Variants in LCE3E observed in about 807,000 individuals in gnomAD.
LCE3E encodes late cornified envelope 3E.
For synonymous variants in LCE3E, 40 were observed against 47.0 expected, an observed-to-expected ratio of 0.85 and a Z score of 0.61; for missense variants, 133 against 120.0, an observed-to-expected ratio of 1.11 and a Z score of -0.51.
chr1:152,565,841 G>A lies in LCE3E; in HGVS notation c.*89C>T, dbSNP rs1230828702. ...CTGTGAAAGTCAGAAGAGGGTATATGGGAAGGCATGCGTCAGATGGGGCTG... is the reference window on the plus strand; with the variant it reads ...CTGTGAAAGTCAGAAGAGGGTATATAGGAAGGCATGCGTCAGATGGGGCTG... On this transcript the variant is annotated 3_prime_UTR_variant, in exon 2 of 2. Coordinates refer to ENST00000368789, the MANE Select transcript of LCE3E (RefSeq NM_178435.4). 9.1e-6 allele frequency: 14 copies of A among 1,538,910 alleles called. No homozygotes were observed. The highest frequency in any genetic ancestry group is 1.1e-5 in the Non-Finnish European group (13 of 1,137,894).
chr1:152,566,432 A>G (rs1376281912), intron 1 of LCE3E, among the ~76,000 whole-genome samples: 3 of 152,104 alleles, frequency 2.0e-5, no homozygotes, highest in East Asian at 1.9e-4. Context: ...TGTTTCTCCA[A>G]AGAACCCCTA....
chr1:152,566,518 G>A (rs2101771326), intron 1 of LCE3E, among the ~76,000 whole-genome samples: 1 of 152,146 alleles, frequency 6.6e-6, no homozygotes, highest in East Asian at 1.9e-4. Flanking sequence ...AGTAGAAAGA[G>A]GATGGGAGGG....
Position 152,566,222 on chromosome 1 carries a change from G to A in LCE3E, c.-14C>T. The A allele has an allele frequency of 1.2e-6, 2 of 1,613,480 alleles. No homozygotes were observed. Among genetic ancestry groups the A allele is most frequent in the Non-Finnish European group, 1.7e-6 (2 of 1,179,936 alleles). On this transcript the variant is annotated 5_prime_UTR_variant, in exon 2 of 2. Transcript: ENST00000368789. ...CTGGCAGGACATCTTGGCAGGAGTT[G>A]AGATGTCCTGGAGAAAACGAAGCCA...
Position 152,565,902 on chromosome 1 carries a change from A to T in LCE3E, c.*28T>A, listed in dbSNP as rs1254492787. 3 of 1,608,068 alleles carry T rather than the reference A, an allele frequency of 1.9e-6. No individual in the cohort carries two copies. Among genetic ancestry groups the T allele is most frequent in the Non-Finnish European group, 2.5e-6 (3 of 1,177,294 alleles). ...CTTGGGATTCTTGTTTCCTCCAAAG[A>T]TCGCTTGTCTCAGCATCAGGATCTG... On this transcript the variant is annotated 3_prime_UTR_variant, in exon 2 of 2. Transcript: ENST00000368789.
chr1:152,566,014 G>A lies in LCE3E; in HGVS notation c.195C>T (p.Arg65=), dbSNP rs145878248. ...NHHRRHHRCR[R]QRSNSCDRGS... Reference sequence around the variant, plus strand: ...CCCTGTCACAGGAGTTGGACCTCTGGCGCCGGCATCGGTGGTGGCGCCTGT... The same window carrying A: ...CCCTGTCACAGGAGTTGGACCTCTGACGCCGGCATCGGTGGTGGCGCCTGT... Residue 65 remains arginine (R), a synonymous_variant, in exon 2 of 2, where the codon CGC becomes CGT. Coordinates refer to ENST00000368789, the MANE Select transcript of LCE3E (RefSeq NM_178435.4). 161 of 1,613,832 alleles carry A rather than the reference G, an allele frequency of 1.0e-4. No individual in the cohort carries two copies. Among genetic ancestry groups the A allele is most frequent in the Non-Finnish European group, 1.0e-4 (121 of 1,180,038 alleles).
Position 152,565,946 on chromosome 1 carries a change from G to A in LCE3E, c.263C>T (p.Ser88Phe). 1 of 1,613,654 alleles carries A rather than the reference G, an allele frequency of 6.2e-7. No homozygotes were observed. Among genetic ancestry groups the A allele is most frequent in the African/African-American group, 1.3e-5 (1 of 75,020 alleles). ...QGGGSGCCHGSGGCC is the reference protein window; with the variant it reads ...QGGGSGCCHGFGGCC ...GGATCTGGATCAGCAGCAGCCCCCA[G>A]AACCGTGGCAGCAGCCAGAGCCCCC... The change falls in exon 2 of 2, where the codon TCT becomes TTT. Residue 88 changes from serine to phenylalanine, a missense_variant. By Grantham distance (155) the Ser-to-Phe change is radical. Transcript: ENST00000368789.
At chr1:152,566,681 C>T (rs926575989) in intron 1 of LCE3E, 57 bp downstream of exon 1, 1 of 178,310 alleles carries the variant, frequency 5.6e-6, no homozygotes, top group African/African-American at 2.4e-5. Flanking sequence ...TCTGCTATGG[C>T]CTTAGCTTTC....
In LCE3E at chr1:152,565,997, C is replaced by A; in HGVS notation, c.212G>T (p.Cys71Phe). 1.2e-6 allele frequency: 2 copies of A among 1,613,814 alleles called. No individual in the cohort carries two copies. The highest frequency in any genetic ancestry group is 1.7e-6 in the Non-Finnish European group (2 of 1,180,028). Reference protein sequence around the residue: ...HRCRRQRSNSCDRGSGQQGGG... With the variant: ...HRCRRQRSNSFDRGSGQQGGG... ...GCCTTGCTGACCACTGCCCCTGTCA[C>A]AGGAGTTGGACCTCTGGCGCCGGCA... The change falls in exon 2 of 2, where the codon TGT becomes TTT. Residue 71 changes from cysteine (C) to phenylalanine (F), a missense_variant. Coordinates refer to ENST00000368789, the MANE Select transcript of LCE3E (RefSeq NM_178435.4).
At chr1:152,566,546 C>T (rs1307532313) in intron 1 of LCE3E, among the ~76,000 whole-genome samples, 192 bp downstream of exon 1, 1 of 152,014 alleles carries the variant, frequency 6.6e-6, no homozygotes, top group South Asian at 2.1e-4. Context: ...AGCTCTGTGG[C>T]CTTTGCAGGT....
chr1:152,566,411 A>G (rs1659923971), intron 1 of LCE3E, among the ~76,000 whole-genome samples, 182 bp from the exon 2 acceptor site: 1 of 151,996 alleles, frequency 6.6e-6, no homozygotes, highest in African/African-American at 2.4e-5. Flanking sequence ...CTAAGTGGGC[A>G]CGTGTGTTTC....
Position 152,565,803 on chromosome 1 carries a change from C to A in LCE3E, c.*127G>T. 1 of 1,403,686 alleles carries A rather than the reference C, an allele frequency of 7.1e-7. No homozygotes were observed. Among genetic ancestry groups the A allele is most frequent in the Non-Finnish European group, 9.7e-7 (1 of 1,035,932 alleles). 87.0% of individuals were successfully genotyped at this position (1,403,686 alleles called of 1,614,324 possible). ...AGAGCTCAGATCCCCCACAGGAAAA[C>A]CTCCAGCTCAGCCTGTGAAAGTCAG... On this transcript the variant is annotated 3_prime_UTR_variant, in exon 2 of 2. Coordinates refer to ENST00000368789, the MANE Select transcript of LCE3E (RefSeq NM_178435.4).
chr1:152,565,855 C>G lies in LCE3E; in HGVS notation c.*75G>C. 6.4e-7 allele frequency: 1 copy of G among 1,565,014 alleles called. No homozygotes were observed. The highest frequency in any genetic ancestry group is 1.4e-5 in the African/African-American group (1 of 73,676). ...AGAGGGTATATGGGAAGGCATGCGT[C>G]AGATGGGGCTGTTCTTGGCCTCTTG... On this transcript the variant is annotated 3_prime_UTR_variant, in exon 2 of 2. Coordinates refer to ENST00000368789, the MANE Select transcript of LCE3E (RefSeq NM_178435.4).
Position 152,565,894 on chromosome 1 carries a change from C to A in LCE3E, c.*36G>T. The A allele has an allele frequency of 6.2e-7, 1 of 1,605,762 alleles. No individual in the cohort carries two copies. Among genetic ancestry groups the A allele is most frequent in the African/African-American group, 1.3e-5 (1 of 74,780 alleles). On this transcript the variant is annotated 3_prime_UTR_variant, in exon 2 of 2. Transcript: ENST00000368789. ...CTTGGCCTCTTGGGATTCTTGTTTC[C>A]TCCAAAGATCGCTTGTCTCAGCATC...
rs1659913599 is a variant in LCE3E, at chr1:152,565,997, C to T, written c.212G>A (p.Cys71Tyr). 5.0e-6 allele frequency: 8 copies of T among 1,613,700 alleles called. No individual in the cohort carries two copies. The highest frequency in any genetic ancestry group is 1.3e-5 in the African/African-American group (1 of 74,906). ...GCCTTGCTGACCACTGCCCCTGTCA[C>T]AGGAGTTGGACCTCTGGCGCCGGCA... ...HRCRRQRSNS[C>Y]DRGSGQQGGG... Residue 71 changes from cysteine (C) to tyrosine (Y), a missense_variant, in exon 2 of 2, where the codon TGT becomes TAT. Cys to Tyr is a radical substitution (Grantham distance 194). Transcript: ENST00000368789.
rs1222849314 is a variant in LCE3E, at chr1:152,565,891, T to C, written c.*39A>G. The C allele has an allele frequency of 6.2e-7, 1 of 1,603,928 alleles. No individual in the cohort carries two copies. The highest frequency in any genetic ancestry group is 8.5e-7 in the Non-Finnish European group (1 of 1,175,044). On this transcript the variant is annotated 3_prime_UTR_variant, in exon 2 of 2. Coordinates refer to ENST00000368789, the MANE Select transcript of LCE3E (RefSeq NM_178435.4). ...GTTCTTGGCCTCTTGGGATTCTTGT[T>C]TCCTCCAAAGATCGCTTGTCTCAGC...
rs773419293 is a variant in LCE3E at position 152,565,940 on chromosome 1, C to T, written c.269G>A (p.Gly90Asp). Residue 90 changes from glycine (G) to aspartate (D), a missense_variant, in exon 2 of 2, where the codon GGC (glycine) becomes GAC (aspartate). Physicochemically the swap from Gly to Asp is moderately conservative, Grantham distance 94 (BLOSUM62 -1). Transcript: ENST00000368789. ...GCATCAGGATCTGGATCAGCAGCAG[C>T]CCCCAGAACCGTGGCAGCAGCCAGA... ...GGSGCCHGSG[G>D]CC is the part of the protein sequence containing the mutation. 26 of 1,613,106 alleles carry T rather than the reference C, an allele frequency of 1.6e-5. No homozygotes were observed. Among genetic ancestry groups the T allele is most frequent in the Non-Finnish European group, 1.9e-5 (23 of 1,179,776 alleles).
At chr1:152,566,651 A>C in intron 1 of LCE3E, 87 bp downstream of exon 1, 1 of 183,494 alleles carries the variant, frequency 5.4e-6, no homozygotes, top group Non-Finnish European at 1.1e-5. Flanking sequence ...TTTGTTTCAA[A>C]CCTCTCTGTT....
rs570839830 is a variant in LCE3E, at chr1:152,565,734, G to T, written c.*196C>A. Reference sequence around the variant, plus strand: ...TCCTTGGCAGGTACAGGGGTAGGGGGACATATGACATCCTGTACATAAAAC... The same window carrying T: ...TCCTTGGCAGGTACAGGGGTAGGGGTACATATGACATCCTGTACATAAAAC... On this transcript the variant is annotated 3_prime_UTR_variant, in exon 2 of 2. Transcript: ENST00000368789. 2.7e-6 allele frequency: 2 copies of T among 728,336 alleles called. No homozygotes were observed. The highest frequency in any genetic ancestry group is 2.7e-5 in the East Asian group (1 of 37,592). The allele number at this position is 728,336 out of a possible 1,614,324, so 45.1% of individuals were successfully genotyped here. A position where few individuals can be genotyped will look rare whatever the true frequency, so the allele number is the denominator to read the frequency against.
rs897574625 is a variant in LCE3E at position 152,566,148 on chromosome 1, A to G, written c.61T>C (p.Cys21Arg). Residue 21 changes from cysteine (C) to arginine (R), a missense_variant, in exon 2 of 2, where the codon TGT becomes CGT. By Grantham distance (180) the Cys-to-Arg change is radical. Coordinates refer to ENST00000368789, the MANE Select transcript of LCE3E (RefSeq NM_178435.4). ...CACTGTACTGGGTTCTTTGGGGGAC[A>G]CTTGGGTGAGGGGCACTTGGGTGGG... ...QPPPKCPSPK[C>R]PPKNPVQCLP... 2.5e-6 allele frequency: 4 copies of G among 1,613,724 alleles called. No homozygotes were observed. In the African/African-American group the frequency reaches 5.3e-5, roughly 22 times the overall value.
Sources: allele counts gnomAD v4.1 joint callset (sites outside exome capture counted in the v4.1 genomes callset), GRCh38; gene constraint gnomAD v4.1.1; transcripts MANE v1.5; gene names NCBI Gene and HGNC (gene_info 2026-07-23, HGNC 2026-07-21).